DLG2: variants seen among roughly 807,000 people sequenced by gnomAD.
DLG2 encodes the protein disks large homolog 2.
DLG2 carries 45 observed loss-of-function variants against 132.5 expected under a neutral mutation model. That is an observed-to-expected ratio of 0.34 (90% CI 0.27 to 0.44). The LOEUF (loss-of-function observed/expected upper bound fraction) is 0.44, where lower values mean the gene tolerates loss of function less well. Among genes scored for constraint, DLG2 ranks in the 20% least tolerant of loss-of-function variants. DLG2 has a pLI of 1.00. For missense variants in DLG2, 1,045 were observed against 1,196.9 expected (o/e 0.87, Z 1.87); for synonymous variants, 424 against 419.6 (o/e 1.01, Z -0.13).
intron 7 of DLG2, among the ~76,000 whole-genome samples, chr11:84,394,330 G>T (rs1030282992): frequency 4.0e-5 from 6 of 148,202 alleles, no homozygotes; most frequent in African/African-American, 1.5e-4. Context: ...TGGTGCCAAA[G>T]TCTTTCAGTT....
intron 18 of DLG2, among the ~76,000 whole-genome samples, chr11:83,634,168 T>A (rs149140440): frequency 2.7e-4 from 41 of 152,194 alleles, no homozygotes; most frequent in East Asian, 2.3e-3. Flanking sequence ...CTCAATTTTG[T>A]CCTATAGCTT....
intron 18 of DLG2, among the ~76,000 whole-genome samples, chr11:83,668,031 G>C (rs1386481082): frequency 7.0e-6 from 1 of 142,312 alleles, no homozygotes; most frequent in African/African-American, 2.6e-5. Flanking sequence ...ACGGCCCCTG[G>C]CTGCCAGTCA....
intron 8 of DLG2, among the ~76,000 whole-genome samples, chr11:84,198,546 T>A (rs957686568): frequency 1.3e-5 from 2 of 152,182 alleles, no homozygotes; most frequent in African/African-American, 4.8e-5. Flanking sequence ...TACCAGGTAA[T>A]GTAATGTCAA....
chr11:83,884,481 C>T (rs915775787), intron 15 of DLG2, among the ~76,000 whole-genome samples: 11 of 152,320 alleles, frequency 7.2e-5, no homozygotes, highest in Admixed American at 6.5e-4. Context: ...CTCAAGGAGG[C>T]CTGCTTGCCT....
chr11:83,948,776 C>T (rs1007674247), intron 14 of DLG2, among the ~76,000 whole-genome samples: 2 of 152,128 alleles, frequency 1.3e-5, no homozygotes, highest in African/African-American at 2.4e-5. Flanking sequence ...CTTAACTGCT[C>T]TGTGCCTAGA....
At chr11:85,064,268 T>G (rs1389263828) in intron 6 of DLG2, among the ~76,000 whole-genome samples, 1 of 151,848 alleles carries the variant, frequency 6.6e-6, no homozygotes, top group Non-Finnish European at 1.5e-5. Context: ...AATGTTCTAA[T>G]AAATTCTATT....
intron 6 of DLG2, among the ~76,000 whole-genome samples, chr11:84,952,484 T>C (rs940186877): frequency 2.0e-5 from 3 of 150,672 alleles, no homozygotes; most frequent in African/African-American, 7.3e-5. Flanking sequence ...GCCACAGCAC[T>C]CCCGCCTGGG....
chr11:84,914,502 G>A (rs2092330098), intron 6 of DLG2, among the ~76,000 whole-genome samples: 1 of 152,188 alleles, frequency 6.6e-6, no homozygotes, highest in Non-Finnish European at 1.5e-5. Flanking sequence ...AGTCTTCTAA[G>A]TATAAGCACC....
At chr11:84,396,813 G>T (rs1309349100) in intron 7 of DLG2, among the ~76,000 whole-genome samples, 1 of 152,170 alleles carries the variant, frequency 6.6e-6, no homozygotes, top group Non-Finnish European at 1.5e-5. Context: ...TGGAAAATCT[G>T]TAAAGTTCTT....
At chr11:84,620,922 A>T (rs1479329423) in intron 6 of DLG2, among the ~76,000 whole-genome samples, 4 of 152,156 alleles carry the variant, frequency 2.6e-5, no homozygotes. Context: ...CAGTAGCAAA[A>T]ATTGGACAGA....
intron 3 of DLG2, among the ~76,000 whole-genome samples, chr11:85,563,436 C>A (rs370892896): frequency 1.3e-5 from 2 of 151,250 alleles, no homozygotes; most frequent in Non-Finnish European, 3.0e-5. Flanking sequence ...AAAAAAGTTC[C>A]TTTGTGCCAC....
rs986779362 is a variant in DLG2, at chr11:85,322,865, A to T, written c.41-37500T>A. Among the ~76,000 whole-genome samples, 248 of 152,174 alleles carry T rather than the reference A, an allele frequency of 1.6e-3. 10 individuals are homozygous for T. The highest frequency in any genetic ancestry group is 2.3e-3 in the Admixed American group (35 of 15,272). On this transcript the variant is annotated intron_variant, in intron 3 of 27. Coordinates refer to ENST00000376104, the MANE Select transcript of DLG2 (RefSeq NM_001142699.3). ...ATTCCTGCTGCTGCTAGCTAAATCC[A>T]GGTAACCAACATCTCACACCTGCAC...
intron 3 of DLG2, among the ~76,000 whole-genome samples, chr11:85,457,506 C>A (rs1231666462): frequency 6.6e-6 from 1 of 152,126 alleles, no homozygotes; most frequent in Admixed American, 6.6e-5. Context: ...ATTATGCAGA[C>A]TTGCTTGTGT....
intron 6 of DLG2, among the ~76,000 whole-genome samples, chr11:84,907,858 G>C (rs1222660914): frequency 1.3e-5 from 2 of 152,142 alleles, no homozygotes; most frequent in African/African-American, 4.8e-5. Flanking sequence ...AGCCTTCTGG[G>C]CAAGTCACTT....
At chr11:85,567,175 C>T (rs57460717) in intron 3 of DLG2, among the ~76,000 whole-genome samples, 3,535 of 152,158 alleles carry the variant, frequency 0.023, 140 homozygotes, top group African/African-American at 0.081. Context: ...TAATTTTGTA[C>T]GAATTTTAGA....
intron 6 of DLG2, among the ~76,000 whole-genome samples, chr11:84,786,581 T>C (rs1454890599): frequency 1.3e-5 from 2 of 152,172 alleles, no homozygotes; most frequent in African/African-American, 4.8e-5. Flanking sequence ...CGTCCACTCA[T>C]GTAAACACTG....
intron 6 of DLG2, among the ~76,000 whole-genome samples, chr11:84,672,916 T>C (rs2099707478): frequency 6.6e-6 from 1 of 152,116 alleles, no homozygotes; most frequent in Admixed American, 6.6e-5. Flanking sequence ...AGGGAGCTTT[T>C]ACTCATGGCA....
chr11:83,571,592 CAAAAA>C (rs71066051), intron 19 of DLG2, among the ~76,000 whole-genome samples: 3 of 113,816 alleles, frequency 2.6e-5, no homozygotes, highest in Non-Finnish European at 3.9e-5. Flanking sequence ...GACTCCGTCT[CAAAAA>C]AAAAAAAAAA....
In DLG2 at chr11:84,299,281, T is replaced by C. The variant is rs116920403; in HGVS notation, c.520-47990A>G. On this transcript the variant is annotated intron_variant, in intron 7 of 27. Coordinates refer to ENST00000376104, the MANE Select transcript of DLG2 (RefSeq NM_001142699.3). ...CATTTAAATCAGTAAGTGATACAAA[T>C]AGAACTGAGTGTTAAGATAAATTTG... Among the ~76,000 whole-genome samples, 73 of 152,280 alleles carry C rather than the reference T, an allele frequency of 4.8e-4. No homozygotes were observed. In the East Asian group the frequency reaches 9.1e-3, roughly 19 times the overall value.
Sources: gnomAD v4.1 joint callset for allele counts (sites outside exome capture counted in the v4.1 genomes callset) on GRCh38, gnomAD v4.1.1 for gene constraint, MANE v1.5 for transcripts, NCBI Gene and HGNC (gene_info 2026-07-23, HGNC 2026-07-21) for gene names.